Variants in KLF12 observed in about 807,000 individuals in gnomAD.
KLF12 encodes the protein Krueppel-like factor 12.
Under a neutral mutation model 37.8 loss-of-function variants are expected in KLF12, and 9 were observed. The observed-to-expected ratio is 0.24, with a 90% confidence interval of 0.14 to 0.42. The LOEUF (loss-of-function observed/expected upper bound fraction) is 0.42, where lower values mean the gene tolerates loss of function less well. Ranked by LOEUF, KLF12 falls within the 10% of genes least tolerant of loss-of-function variation. KLF12 has a pLI of 1.00. For synonymous variants in KLF12, 208 were observed against 202.1 expected (o/e 1.03, Z -0.25); for missense variants, 411 against 516.0 (o/e 0.80, Z 1.97).
At chr13:73,753,364 G>C (rs898207920) in intron 6 of KLF12, among the ~76,000 whole-genome samples, 2 of 152,078 alleles carry the variant, frequency 1.3e-5, no homozygotes, top group Non-Finnish European at 2.9e-5. Flanking sequence ...TCAGCTCCCA[G>C]ATGCCAAGTC....
At chr13:74,225,020 G>A in the KLF12 span, among the ~76,000 whole-genome samples, 2 of 152,120 alleles carry the variant, frequency 1.3e-5, no homozygotes, top group South Asian at 2.1e-4. Flanking sequence ...TCAGCTGAAA[G>A]CATTCTTACT....
chr13:73,910,934 T>G (rs1888536043), intron 3 of KLF12, among the ~76,000 whole-genome samples: 1 of 152,298 alleles, frequency 6.6e-6, no homozygotes, highest in East Asian at 1.9e-4. Flanking sequence ...CCCTTCACCA[T>G]GTAACACTCT....
chr13:73,901,326 C>T (rs1174876809), intron 3 of KLF12, among the ~76,000 whole-genome samples: 1 of 152,198 alleles, frequency 6.6e-6, no homozygotes, highest in African/African-American at 2.4e-5. Flanking sequence ...ATGATAATTA[C>T]AGTCTGTAGA....
chr13:73,791,255 T>C (rs1467810400), intron 5 of KLF12, among the ~76,000 whole-genome samples: 1 of 152,240 alleles, frequency 6.6e-6, no homozygotes, highest in African/African-American at 2.4e-5. Flanking sequence ...ATGTGCCTAT[T>C]CATATGTAGT....
the KLF12 span, among the ~76,000 whole-genome samples, chr13:74,205,986 G>A: frequency 6.6e-6 from 1 of 152,082 alleles, no homozygotes; most frequent in African/African-American, 2.4e-5. Context: ...GACAAGAGAT[G>A]CAAGTTTATA....
the KLF12 span, among the ~76,000 whole-genome samples, chr13:74,146,445 G>A: frequency 1.3e-5 from 2 of 152,086 alleles, no homozygotes; most frequent in Non-Finnish European, 2.9e-5. Context: ...CAGTAAGACA[G>A]TACAAAGCTT....
the KLF12 span, among the ~76,000 whole-genome samples, chr13:74,148,787 G>A: frequency 1.6e-4 from 24 of 152,020 alleles, no homozygotes; most frequent in Admixed American, 1.5e-3. Context: ...TCTTGTCAGT[G>A]TTGGAGTGTT....
intron 3 of KLF12, among the ~76,000 whole-genome samples, chr13:73,911,643 T>C (rs1394273785): frequency 6.6e-6 from 1 of 152,234 alleles, no homozygotes; most frequent in East Asian, 1.9e-4. Context: ...CTTGAGAGTA[T>C]TTATTTCCCT....
chr13:74,260,503 A>G, the KLF12 span, among the ~76,000 whole-genome samples: 2 of 151,372 alleles, frequency 1.3e-5, no homozygotes, highest in Admixed American at 1.3e-4. Context: ...ATAGTGAGCT[A>G]TGATTGCCCC....
chr13:74,024,753 T>C (rs756107189), intron 1 of KLF12, among the ~76,000 whole-genome samples: 4 of 152,188 alleles, frequency 2.6e-5, no homozygotes, highest in African/African-American at 7.2e-5. Flanking sequence ...TTTCTATATA[T>C]GCAAATGCAC....
chr13:73,842,529 A>G (rs1884792326), intron 4 of KLF12, among the ~76,000 whole-genome samples: 2 of 152,208 alleles, frequency 1.3e-5, no homozygotes. Context: ...CAAATGGTTC[A>G]ACTGACAGGA....
At chr13:74,249,760 T>G in the KLF12 span, among the ~76,000 whole-genome samples, 2 of 152,160 alleles carry the variant, frequency 1.3e-5, no homozygotes, top group African/African-American at 4.8e-5. Flanking sequence ...TGAGAAATGC[T>G]CTGTGGGGTC....
chr13:73,861,537 A>G (rs1263060680), intron 3 of KLF12, among the ~76,000 whole-genome samples: 1 of 152,252 alleles, frequency 6.6e-6, no homozygotes, highest in Non-Finnish European at 1.5e-5. Context: ...ACATCTGAAG[A>G]CATTTTTGAT....
intron 2 of KLF12, among the ~76,000 whole-genome samples, chr13:73,944,923 G>A (rs893329075): frequency 3.9e-5 from 6 of 152,150 alleles, no homozygotes; most frequent in African/African-American, 1.4e-4. Context: ...AACATGTTTA[G>A]AATGCTAATT....
intron 5 of KLF12, among the ~76,000 whole-genome samples, chr13:73,807,840 T>A (rs967224929): frequency 6.6e-6 from 1 of 152,222 alleles, no homozygotes; most frequent in African/African-American, 2.4e-5. Flanking sequence ...TATATCCACA[T>A]CCTTTAGCTT....
chr13:74,175,680 T>C, the KLF12 span, among the ~76,000 whole-genome samples: 2 of 152,170 alleles, frequency 1.3e-5, no homozygotes, highest in East Asian at 3.9e-4. Flanking sequence ...AATTCCAATC[T>C]ACCTGGGTTG....
chr13:73,779,279 A>C (rs1027413707), intron 5 of KLF12, among the ~76,000 whole-genome samples: 1 of 152,148 alleles, frequency 6.6e-6, no homozygotes, highest in Non-Finnish European at 1.5e-5. Context: ...TCCTCACCAG[A>C]AACAGGGTTA....
At chr13:74,260,574 TAAATAAAATAAAATA>T in the KLF12 span, among the ~76,000 whole-genome samples, 305 of 100,332 alleles carry the variant, frequency 3.0e-3, 1 homozygote, top group Admixed American at 5.3e-3. Context: ...TAAAATAAAA[TAAATAAAATAAAATA>T]AAATAAAATA....
At chr13:74,250,487 A>G in the KLF12 span, among the ~76,000 whole-genome samples, 1 of 152,284 alleles carries the variant, frequency 6.6e-6, no homozygotes, top group East Asian at 1.9e-4. Flanking sequence ...GAAGGGTATC[A>G]AAAAGAAAAA....
Sources: gnomAD v4.1 joint callset for allele counts (sites outside exome capture counted in the v4.1 genomes callset) on GRCh38, gnomAD v4.1.1 for gene constraint, MANE v1.5 for transcripts, NCBI Gene and HGNC (gene_info 2026-07-23, HGNC 2026-07-21) for gene names.